The following RNF145 variants were observed in gnomAD, a reference collection of about 807,000 sequenced individuals.
RNF145 encodes the protein ring finger protein 145.
A neutral mutation model predicts 57.3 loss-of-function variants in RNF145; 12 were observed. That is an observed-to-expected ratio of 0.21 (90% CI 0.13 to 0.34). The LOEUF (loss-of-function observed/expected upper bound fraction) is 0.34, where lower values mean the gene tolerates loss of function less well. Among genes scored for constraint, RNF145 ranks in the 10% least tolerant of loss-of-function variants. RNF145 has a pLI of 1.00. For synonymous variants in RNF145, 262 were observed against 288.3 expected (o/e 0.91, Z 0.92); for missense variants, 429 against 799.0 (o/e 0.54, Z 5.58).
At chr5:159,167,220 G>C (rs1301745770) in intron 8 of RNF145, among the ~76,000 whole-genome samples, 2 of 152,098 alleles carry the variant, frequency 1.3e-5, no homozygotes, top group South Asian at 2.1e-4. Flanking sequence ...ATGGTGGGAG[G>C]GAAGAACAGA....
chr5:159,191,292 TCTA>T (rs1785282000), intron 3 of RNF145, among the ~76,000 whole-genome samples: 1 of 152,166 alleles, frequency 6.6e-6, no homozygotes, highest in East Asian at 1.9e-4. Context: ...AATTTTCCTT[TCTA>T]CTAACCATGC....
Position 159,163,777 on chromosome 5 carries a change from C to A in RNF145, c.1122-698G>T, listed in dbSNP as rs959323390. 2.0e-5 allele frequency among the ~76,000 whole-genome samples: 3 copies of A among 152,282 alleles called. No individual in the cohort carries two copies. The South Asian group carries it at 6.2e-4, about 32-fold the overall frequency. ...GTCCTCCACTCCTAATTTTTCCATCCAAGCTTGTCAAATCTGTTCCTCATA... is the reference window on the plus strand; with the variant it reads ...GTCCTCCACTCCTAATTTTTCCATCAAAGCTTGTCAAATCTGTTCCTCATA... On this transcript the variant is annotated intron_variant, in intron 8 of 10. Coordinates refer to ENST00000424310, the MANE Select transcript of RNF145 (RefSeq NM_001199383.2).
chr5:159,169,850 A>T, intron 6 of RNF145, 31 bp from the exon 7 acceptor site: 1 of 1,564,982 alleles, frequency 6.4e-7, no homozygotes, highest in Non-Finnish European at 8.6e-7. Flanking sequence ...ATTAACAGAC[A>T]TAAACTTTCC....
At chr5:159,174,395 G>T (rs1784648448) in intron 5 of RNF145, among the ~76,000 whole-genome samples, 1 of 152,132 alleles carries the variant, frequency 6.6e-6, no homozygotes, top group African/African-American at 2.4e-5. Context: ...ACAGTAAACT[G>T]CCCTAATAGT....
rs1784111951 is a variant in RNF145, at chr5:159,158,519, T to C, written c.*151A>G. On this transcript the variant is annotated 3_prime_UTR_variant, in exon 11 of 11. Coordinates refer to ENST00000424310, the MANE Select transcript of RNF145 (RefSeq NM_001199383.2). Reference sequence around the variant, plus strand: ...AATGTCAGGGGATGAAAGCAGGTGGTCCCCACTGAGAGTACTTCCTGGATT... The same window carrying C: ...AATGTCAGGGGATGAAAGCAGGTGGCCCCCACTGAGAGTACTTCCTGGATT... 1 of 946,950 alleles carries C rather than the reference T, an allele frequency of 1.1e-6. No individual in the cohort carries two copies. Among genetic ancestry groups the C allele is most frequent in the Non-Finnish European group, 1.6e-6 (1 of 639,528 alleles). 58.7% of individuals were successfully genotyped at this position (946,950 alleles called of 1,614,324 possible).
At chr5:159,171,484 G>A (rs904874540) in intron 6 of RNF145, among the ~76,000 whole-genome samples, 9 of 151,990 alleles carry the variant, frequency 5.9e-5, no homozygotes, top group Non-Finnish European at 8.8e-5. Flanking sequence ...AAAATGTGGT[G>A]CTATTTTTCA....
In RNF145 at chr5:159,169,664, A is replaced by C; in HGVS notation, c.938+15T>G. 6.4e-7 allele frequency: 1 copy of C among 1,565,704 alleles called. No individual in the cohort carries two copies. Among genetic ancestry groups the C allele is most frequent in the Non-Finnish European group, 8.6e-7 (1 of 1,161,952 alleles). ...AGTATTTACATTTCTAGATATAATC[A>C]AGGAAAGAACTTACCGATTCATGGC... On this transcript the variant is annotated intron_variant, in intron 7 of 10. Transcript: ENST00000424310.
At chr5:159,175,009 C>T (rs1045566388) in intron 5 of RNF145, among the ~76,000 whole-genome samples, 1 of 152,162 alleles carries the variant, frequency 6.6e-6, no homozygotes, top group Non-Finnish European at 1.5e-5. Flanking sequence ...TAGCAGTCAG[C>T]TGGTCTTGCT....
chr5:159,192,493 A>C (rs182480116), intron 3 of RNF145, among the ~76,000 whole-genome samples: 1 of 152,220 alleles, frequency 6.6e-6, no homozygotes, highest in African/African-American at 2.4e-5. Flanking sequence ...AATCAACAAA[A>C]TCCTATCAAT....
In RNF145 at chr5:159,163,213, C is replaced by T. The variant is rs1404845481; in HGVS notation, c.1122-134G>A. 3.7e-6 allele frequency: 3 copies of T among 800,928 alleles called. No individual in the cohort carries two copies. In the East Asian group the frequency reaches 7.9e-5, roughly 21 times the overall value. The allele number at this position is 800,928 out of a possible 1,614,324, so 49.6% of individuals were successfully genotyped here. On this transcript the variant is annotated intron_variant, in intron 8 of 10. Coordinates refer to ENST00000424310, the MANE Select transcript of RNF145 (RefSeq NM_001199383.2). ...ACTGAACACCCTTCTCCATGCCAGT[C>T]ACTGTACTAGAGTTCAGACCAAGTC...
intron 3 of RNF145, among the ~76,000 whole-genome samples, chr5:159,184,624 T>C (rs1407356985): frequency 6.6e-6 from 1 of 152,212 alleles, no homozygotes; most frequent in African/African-American, 2.4e-5. Context: ...CTACATCTTT[T>C]ATTCTCTATT....
chr5:159,207,593 GAAA>G lies in RNF145; in HGVS notation c.-40+1635_-40+1637del, dbSNP rs908693555. On this transcript the variant is annotated intron_variant, in intron 1 of 10. Transcript: ENST00000424310. ...ATCGGTTAGGATGGTAGGCCTCACTGAAAATGTTAAGAGCACAAAGCTAGAGCC... is the reference window on the plus strand; with the variant it reads ...ATCGGTTAGGATGGTAGGCCTCACTGATGTTAAGAGCACAAAGCTAGAGCC... 11 of 1,593,154 alleles carry G rather than the reference GAAA, an allele frequency of 6.9e-6. No homozygotes were observed. In the African/African-American group the frequency reaches 1.5e-4, roughly 22 times the overall value.
intron 8 of RNF145, among the ~76,000 whole-genome samples, chr5:159,168,083 T>C (rs1784443249): frequency 6.6e-6 from 1 of 152,130 alleles, no homozygotes; most frequent in African/African-American, 2.4e-5. Context: ...AGAATTTCCT[T>C]GTATCAACTA....
rs781492140 is a variant in RNF145 at position 159,169,861 on chromosome 5, A to G, written c.798-42T>C. On this transcript the variant is annotated intron_variant, in intron 6 of 10. Transcript: ENST00000424310. The stretch of plus-strand genomic sequence containing the variant: ...GGAAATTAACAGACATAAACTTTCC[A>G]TTTGGAGTAAACACATTTGAGGCCT... 10 of 1,533,564 alleles carry G rather than the reference A, an allele frequency of 6.5e-6. No homozygotes were observed. In the South Asian group the frequency reaches 1.2e-4, roughly 19 times the overall value. 95.0% of individuals were successfully genotyped at this position (1,533,564 alleles called of 1,614,324 possible).
At position 159,200,005 on chromosome 5, in the gene RNF145, C is replaced by T. The variant is rs115605071; in HGVS notation, c.184+3429G>A. 8.3e-3 allele frequency among the ~76,000 whole-genome samples: 1,268 copies of T among 152,108 alleles called. 20 individuals are homozygous for T. The highest frequency in any genetic ancestry group is 0.029 in the African/African-American group (1,205 of 41,488). On this transcript the variant is annotated intron_variant, in intron 2 of 10. Coordinates refer to ENST00000424310, the MANE Select transcript of RNF145 (RefSeq NM_001199383.2). Reference sequence around the variant, plus strand: ...ATAAAGGGGGAAAAACTCCCACTTACGATAGCAATAAAAAAGATAAAATAC... The same window carrying T: ...ATAAAGGGGGAAAAACTCCCACTTATGATAGCAATAAAAAAGATAAAATAC...
At chr5:159,195,452 T>C (rs957064178) in intron 2 of RNF145, among the ~76,000 whole-genome samples, 8 of 152,216 alleles carry the variant, frequency 5.3e-5, no homozygotes, top group Non-Finnish European at 1.0e-4. Context: ...TATTCTTCTC[T>C]TTACCATCTA....
chr5:159,199,389 G>GAAA (rs66787021), intron 2 of RNF145, among the ~76,000 whole-genome samples: 1 of 140,886 alleles, frequency 7.1e-6, no homozygotes, highest in Non-Finnish European at 1.5e-5. Flanking sequence ...GAAAAATCAG[G>GAAA]AAAAAAAAAA....
intron 1 of RNF145, chr5:159,208,230 G>T: frequency 8.7e-7 from 1 of 1,144,306 alleles, no homozygotes; most frequent in Non-Finnish European, 1.1e-6. Flanking sequence ...CAACCGGGCC[G>T]CCGCCGCCGC....
intron 8 of RNF145, among the ~76,000 whole-genome samples, chr5:159,165,070 T>C (rs751149007): frequency 1.3e-5 from 2 of 152,096 alleles, no homozygotes; most frequent in South Asian, 2.1e-4. Context: ...CAATCCTTGA[T>C]TGACGATGTA....
Sources: gnomAD v4.1 joint callset for allele counts (sites outside exome capture counted in the v4.1 genomes callset) on GRCh38, gnomAD v4.1.1 for gene constraint, MANE v1.5 for transcripts, NCBI Gene and HGNC (gene_info 2026-07-23, HGNC 2026-07-21) for gene names.